The following METTL22 variants were observed in gnomAD, a reference collection of about 807,000 sequenced individuals.
METTL22 encodes methyltransferase 22, Kin17 lysine, also known as methyltransferase-like protein 22.
A neutral mutation model predicts 48.4 loss-of-function variants in METTL22; 51 were observed. That is an observed-to-expected ratio of 1.05 (90% CI 0.84 to 1.33). METTL22 has a LOEUF of 1.33. Ranked by LOEUF, METTL22 falls within the 40% of genes most tolerant of loss-of-function variation. METTL22 has a pLI of 0.00. For synonymous variants in METTL22, 255 were observed against 214.1 expected (o/e 1.19, Z -1.67); for missense variants, 678 against 526.9 (o/e 1.29, Z -2.81).
At chr16:8,622,231 C>T (rs1318165977) in intron 1 of METTL22, among the ~76,000 whole-genome samples, 6 of 152,318 alleles carry the variant, frequency 3.9e-5, no homozygotes, top group Middle Eastern at 6.8e-3. Flanking sequence ...CCTAAATCGT[C>T]ATGGGATCGC....
Position 8,644,617 on chromosome 16 carries a change from C to T in METTL22, c.1071C>T (p.Ser357=). ...VTCEAYDHFR[S]CLHALEQLAD... Reference sequence around the variant, plus strand: ...GTGAAGCCTACGATCACTTCCGCTCCTGCCTGCACGCGCTGGAGCAGCTCG... The same window carrying T: ...GTGAAGCCTACGATCACTTCCGCTCTTGCCTGCACGCGCTGGAGCAGCTCG... Residue 357 remains serine, a synonymous_variant, in exon 10 of 11, where the codon TCC becomes TCT. Transcript: ENST00000381920. The T allele has an allele frequency of 6.2e-7, 1 of 1,605,612 alleles. No individual in the cohort carries two copies. Among genetic ancestry groups the T allele is most frequent in the Non-Finnish European group, 8.5e-7 (1 of 1,176,098 alleles).
At chr16:8,660,905 G>C in the METTL22 span, among the ~76,000 whole-genome samples, 1 of 144,308 alleles carries the variant, frequency 6.9e-6, no homozygotes, top group Admixed American at 7.1e-5. Flanking sequence ...GGAGGAGGAG[G>C]AGCTGTGCTG....
the METTL22 span, among the ~76,000 whole-genome samples, chr16:8,663,679 A>G: frequency 1.3e-5 from 2 of 152,164 alleles, no homozygotes; most frequent in African/African-American, 4.8e-5. Context: ...GGTAAGTACT[A>G]TTATTCTTAC....
At chr16:8,652,330 A>G (rs2056911152), downstream of METTL22, among the ~76,000 whole-genome samples, 2 of 151,892 alleles carry the variant, frequency 1.3e-5, no homozygotes, top group Admixed American at 1.3e-4. Flanking sequence ...GTGGTGGTGC[A>G]CAGCTGTAAT....
rs761831360 is a variant in METTL22 at position 8,642,489 on chromosome 16, G to A, written c.934G>A (p.Ala312Thr). 32 of 1,614,068 alleles carry A rather than the reference G, an allele frequency of 2.0e-5. No homozygotes were observed. The Admixed American group carries it at 2.8e-4, about 14-fold the overall frequency. ...EVFYDDDLTD[A>T]VFKTLSRLAH... ...GTTTTACGACGACGACTTGACTGAT[G>A]CTGTGTTTAAAACGCTCTCCCGACT... The change falls in exon 9 of 11, where the codon GCT (alanine) becomes ACT (threonine). Residue 312 changes from alanine (A) to threonine (T), a missense_variant. Ala to Thr is a moderately conservative substitution (Grantham distance 58, BLOSUM62 0). Coordinates refer to ENST00000381920, the MANE Select transcript of METTL22 (RefSeq NM_024109.4).
rs764086991 is a variant in METTL22 at position 8,635,030 on chromosome 16, C to T, written c.515-9C>T. 6.2e-7 allele frequency: 1 copy of T among 1,613,344 alleles called. No homozygotes were observed. Among genetic ancestry groups the T allele is most frequent in the East Asian group, 2.2e-5 (1 of 44,888 alleles). On this transcript the variant is annotated splice_polypyrimidine_tract_variant and intron_variant, in intron 3 of 10. Transcript: ENST00000381920. ...AGTGGGCATTTCTCTTGGTTTCTGTCCCATCCAGAGCACACCATGGCCACG... is the reference window on the plus strand; with the variant it reads ...AGTGGGCATTTCTCTTGGTTTCTGTTCCATCCAGAGCACACCATGGCCACG...
In METTL22 at chr16:8,635,254, C is replaced by T. The variant is rs377634718; in HGVS notation, c.642C>T (p.Ala214=). The change falls in exon 5 of 11, where the codon GCC becomes GCT. Residue 214 remains alanine, a synonymous_variant. Coordinates refer to ENST00000381920, the MANE Select transcript of METTL22 (RefSeq NM_024109.4). ...GATGTACAGCGCTGGAGCTCGGGGC[C>T]GGCACGGGGCTCGCTAGCATCATCG... ...FRGCTALELG[A]GTGLASIIAA... is the part of the protein sequence containing the mutation. The T allele has an allele frequency of 2.9e-5, 47 of 1,607,456 alleles. No homozygotes were observed. The highest frequency in any genetic ancestry group is 1.8e-4 in the East Asian group (8 of 44,754).
intron 1 of METTL22, among the ~76,000 whole-genome samples, chr16:8,623,027 C>T (rs138760259): frequency 6.6e-6 from 1 of 152,112 alleles, no homozygotes; most frequent in African/African-American, 2.4e-5. Context: ...CAAAATTGCG[C>T]TATAGGCCAT....
chr16:8,649,974 C>T (rs1042839247), downstream of METTL22, among the ~76,000 whole-genome samples: 1 of 152,162 alleles, frequency 6.6e-6, no homozygotes, highest in Non-Finnish European at 1.5e-5. Context: ...GCTGATGATG[C>T]TCGTCTGTGG....
chr16:8,640,893 AATGGATGG>A (rs1406391890), intron 6 of METTL22, among the ~76,000 whole-genome samples: 3 of 12,932 alleles, frequency 2.3e-4, no homozygotes, highest in African/African-American at 8.0e-4. Context: ...TGGGTGGGTG[AATGGATGG>A]ATGGATGGAT....
intron 3 of METTL22, among the ~76,000 whole-genome samples, chr16:8,634,392 C>A (rs568713617): frequency 3.3e-5 from 5 of 152,320 alleles, no homozygotes; most frequent in African/African-American, 1.2e-4. Flanking sequence ...TGCTTTGCTT[C>A]ATTCCTTTTC....
At chr16:8,662,393 T>C in the METTL22 span, among the ~76,000 whole-genome samples, 1 of 145,276 alleles carries the variant, frequency 6.9e-6, no homozygotes, top group Non-Finnish European at 1.5e-5. Flanking sequence ...TTGGAGCTTA[T>C]GCTGTGCCAT....
the METTL22 span, among the ~76,000 whole-genome samples, chr16:8,659,631 A>G: frequency 2.6e-5 from 4 of 152,230 alleles, no homozygotes; most frequent in Non-Finnish European, 5.9e-5. Flanking sequence ...TCCAAAAGCT[A>G]CAAGTGAGGC....
chr16:8,641,947 T>A, intron 7 of METTL22, 180 bp from the exon 8 acceptor site: 1 of 632,260 alleles, frequency 1.6e-6, no homozygotes, highest in Non-Finnish European at 2.9e-6. Context: ...CCACCATGAC[T>A]CTGCACCCGG....
chr16:8,665,423 C>T, the METTL22 span, among the ~76,000 whole-genome samples: 1 of 152,232 alleles, frequency 6.6e-6, no homozygotes, highest in African/African-American at 2.4e-5. Flanking sequence ...AGCATACAGC[C>T]TGGCACCTTC....
chr16:8,640,946 G>A (rs11646452), intron 6 of METTL22, among the ~76,000 whole-genome samples, 185 bp from the exon 7 acceptor site: 13,907 of 34,848 alleles, frequency 0.4, 3,812 homozygotes, highest in East Asian at 0.55. Context: ...GGATGGATGG[G>A]TGGGTGGATG....
At chr16:8,629,136 C>G (rs961133058) in intron 3 of METTL22, 26 bp downstream of exon 3, 1 of 1,597,630 alleles carries the variant, frequency 6.3e-7, no homozygotes, top group Non-Finnish European at 8.5e-7. Flanking sequence ...ATGTGGCCCA[C>G]CTGTCACCAA....
chr16:8,633,785 C>T (rs965034584), intron 3 of METTL22, among the ~76,000 whole-genome samples: 3 of 152,264 alleles, frequency 2.0e-5, no homozygotes, highest in South Asian at 2.1e-4. Flanking sequence ...AGCCCAGTGC[C>T]TCATGCAGAG....
Position 8,648,824 on chromosome 16 carries a change from G to A in METTL22, c.*2681G>A, listed in dbSNP as rs1730984. 150,521 of 152,422 alleles carry A rather than the reference G, an allele frequency of 0.99. 74,357 individuals are homozygous for A. The highest frequency in any genetic ancestry group is 1 in the Middle Eastern group (296 of 296). 9.4% of individuals were successfully genotyped at this position (152,422 alleles called of 1,614,324 possible). A position where few individuals can be genotyped will look rare whatever the true frequency, so the allele number is the denominator to read the frequency against. On this transcript the variant is annotated 3_prime_UTR_variant, in exon 11 of 11. Coordinates refer to ENST00000381920, the MANE Select transcript of METTL22 (RefSeq NM_024109.4). ...AAAGTATCAAGCCTCAGCTCAGGAC[G>A]TGATTCCGAATCTGCATCTCAACGA... is the stretch of plus-strand genomic sequence containing the variant.
Sources: allele counts gnomAD v4.1 joint callset (sites outside exome capture counted in the v4.1 genomes callset), GRCh38; gene constraint gnomAD v4.1.1; transcripts MANE v1.5; gene names NCBI Gene and HGNC (gene_info 2026-07-23, HGNC 2026-07-21).